The following CDH12 variants were observed in gnomAD, a reference collection of about 807,000 sequenced individuals.
The protein encoded by CDH12 is cadherin 12, also known as cadherin-12.
Under a neutral mutation model 74.1 loss-of-function variants are expected in CDH12, and 41 were observed. The ratio of observed to expected loss-of-function variants is 0.55; its 90% CI spans 0.43 to 0.72. The LOEUF is 0.72. Among genes scored for constraint, CDH12 ranks in the 30% least tolerant of loss-of-function variants. The pLI, the probability that CDH12 is intolerant of heterozygous loss-of-function variation, is 0.00. For synonymous variants in CDH12, 399 were observed against 355.0 expected, an observed-to-expected ratio of 1.12 and a Z score of -1.39; for missense variants, 945 against 977.2, an observed-to-expected ratio of 0.97 and a Z score of 0.44.
intron 1 of CDH12, among the ~76,000 whole-genome samples, chr5:22,720,686 T>C (rs776238069): frequency 1.1e-4 from 17 of 152,154 alleles, no homozygotes; most frequent in Non-Finnish European, 2.2e-4. Context: ...TGGAGCTTCC[T>C]AGAGACTTGT....
chr5:22,416,241 AT>A (rs535715616), intron 2 of CDH12, among the ~76,000 whole-genome samples: 14 of 150,210 alleles, frequency 9.3e-5, no homozygotes, highest in South Asian at 8.5e-4. Flanking sequence ...CGCCCGGCTA[AT>A]TTTTTTGTAT....
chr5:22,037,177 C>A (rs971894676), intron 5 of CDH12, among the ~76,000 whole-genome samples: 16 of 152,168 alleles, frequency 1.1e-4, no homozygotes, highest in African/African-American at 3.4e-4. Flanking sequence ...CCACCTCACA[C>A]CTTAATACTC....
chr5:21,997,050 G>T (rs972598247), intron 5 of CDH12, among the ~76,000 whole-genome samples: 1 of 152,032 alleles, frequency 6.6e-6, no homozygotes, highest in African/African-American at 2.4e-5. Flanking sequence ...ATAGACCTAT[G>T]AATTATTTTA....
chr5:21,873,387 A>G (rs1751750978), intron 6 of CDH12, among the ~76,000 whole-genome samples: 1 of 152,126 alleles, frequency 6.6e-6, no homozygotes, highest in Non-Finnish European at 1.5e-5. Context: ...TATGCTGGGA[A>G]CTTCTAGAAA....
chr5:22,064,831 T>C lies in CDH12; in HGVS notation c.231+13615A>G, dbSNP rs574084777. Among the ~76,000 whole-genome samples, 4 of 152,162 alleles carry C rather than the reference T, an allele frequency of 2.6e-5. No homozygotes were observed. In the South Asian group the frequency reaches 6.2e-4, roughly 24 times the overall value. The stretch of plus-strand genomic sequence containing the variant: ...CTGTCTGCCCTGAAAAAGACCCTTA[T>C]GTCTTGTATTGACAGACGTGAGATT... On this transcript the variant is annotated intron_variant, in intron 5 of 14. Coordinates refer to ENST00000382254, the MANE Select transcript of CDH12 (RefSeq NM_004061.5).
At chr5:22,028,188 T>C (rs1480738684) in intron 5 of CDH12, among the ~76,000 whole-genome samples, 1 of 152,102 alleles carries the variant, frequency 6.6e-6, no homozygotes, top group African/African-American at 2.4e-5. Context: ...GCATTCCCTT[T>C]GAGAAATGAC....
chr5:22,283,418 CAAAT>C (rs1262601139), intron 3 of CDH12, among the ~76,000 whole-genome samples: 1 of 151,200 alleles, frequency 6.6e-6, no homozygotes, highest in African/African-American at 2.4e-5. Flanking sequence ...ATGTGCCACA[CAAAT>C]AAATACTATT....
At chr5:22,093,548 A>G (rs904843481) in intron 4 of CDH12, among the ~76,000 whole-genome samples, 1 of 152,206 alleles carries the variant, frequency 6.6e-6, no homozygotes, top group Non-Finnish European at 1.5e-5. Flanking sequence ...ATTGTTATTT[A>G]TATTGTTTTT....
At chr5:22,095,971 C>T (rs10472478) in intron 4 of CDH12, among the ~76,000 whole-genome samples, 3,114 of 151,622 alleles carry the variant, frequency 0.021, 91 homozygotes, top group African/African-American at 0.069. Flanking sequence ...CTTATATCTG[C>T]GCTCCAACCC....
rs577252445 is a variant in CDH12 at position 21,829,226 on chromosome 5, C to T, written c.815-12094G>A. ...AGGAGAATAGCTTGAACCCAGGAGGCGGAGGCTGCAGCGAGCCAAATCGTG... is the reference window on the plus strand; with the variant it reads ...AGGAGAATAGCTTGAACCCAGGAGGTGGAGGCTGCAGCGAGCCAAATCGTG... On this transcript the variant is annotated intron_variant, in intron 8 of 14. Coordinates refer to ENST00000382254, the MANE Select transcript of CDH12 (RefSeq NM_004061.5). 6.3e-3 allele frequency among the ~76,000 whole-genome samples: 952 copies of T among 152,214 alleles called. 8 individuals carry two copies. Among genetic ancestry groups the T allele is most frequent in the African/African-American group, 0.022 (900 of 41,536 alleles).
At chr5:22,488,119 A>T (rs994058372) in intron 2 of CDH12, among the ~76,000 whole-genome samples, 23 of 152,216 alleles carry the variant, frequency 1.5e-4, no homozygotes, top group Admixed American at 1.3e-4. Context: ...GTAGTGTTCC[A>T]GTTTAACATG....
chr5:22,721,722 G>T (rs979218829), intron 1 of CDH12, among the ~76,000 whole-genome samples: 1 of 152,098 alleles, frequency 6.6e-6, no homozygotes, highest in African/African-American at 2.4e-5. Flanking sequence ...ATGTGTTGAG[G>T]GAGGGACATG....
intron 3 of CDH12, among the ~76,000 whole-genome samples, chr5:22,333,363 C>T (rs912261753): frequency 6.6e-6 from 1 of 151,990 alleles, no homozygotes; most frequent in African/African-American, 2.4e-5. Context: ...AGAGCTAATG[C>T]AAGTGAGGCT....
rs1439520388 is a variant in CDH12, at chr5:22,203,774, G to T, written c.-187+8724C>A. 4.0e-5 allele frequency among the ~76,000 whole-genome samples: 6 copies of T among 151,878 alleles called. No individual in the cohort carries two copies. In the East Asian group the frequency reaches 1.2e-3, roughly 29 times the overall value. ...AGCACTTGTTACTTTTTGCTTTTTT[G>T]ATAATAGCCATTCTAACTGAGGTGA... On this transcript the variant is annotated intron_variant, in intron 4 of 14. Transcript: ENST00000382254.
chr5:22,150,754 A>G (rs1352134819), intron 4 of CDH12, among the ~76,000 whole-genome samples: 1 of 152,218 alleles, frequency 6.6e-6, no homozygotes, highest in African/African-American at 2.4e-5. Context: ...ACCTGTGCTT[A>G]GATATTCTAA....
chr5:21,872,429 C>T (rs763885362), intron 6 of CDH12, among the ~76,000 whole-genome samples: 1 of 152,176 alleles, frequency 6.6e-6, no homozygotes, highest in Non-Finnish European at 1.5e-5. Flanking sequence ...ATGCTAATGC[C>T]TGCGTCCAGT....
intron 5 of CDH12, among the ~76,000 whole-genome samples, chr5:22,073,895 C>A (rs1265096556): frequency 1.3e-5 from 2 of 152,020 alleles, no homozygotes; most frequent in East Asian, 3.9e-4. Context: ...GTGGAGTTGA[C>A]AATGGGAACT....
At chr5:21,958,732 C>T (rs1307877363) in intron 6 of CDH12, among the ~76,000 whole-genome samples, 2 of 152,130 alleles carry the variant, frequency 1.3e-5, no homozygotes, top group African/African-American at 2.4e-5. Context: ...TAGCCTGATG[C>T]TTCCAGCTTT....
chr5:21,881,405 G>A (rs6874819), intron 6 of CDH12, among the ~76,000 whole-genome samples: 111,666 of 152,054 alleles, frequency 0.73, 45,411 homozygotes, highest in Non-Finnish European at 0.9. Context: ...AGATGATGAC[G>A]CGGGTTGTCT....
Sources: allele counts gnomAD v4.1 joint callset (sites outside exome capture counted in the v4.1 genomes callset), GRCh38; gene constraint gnomAD v4.1.1; transcripts MANE v1.5; gene names NCBI Gene and HGNC (gene_info 2026-07-23, HGNC 2026-07-21).